XYLB: variants seen among roughly 807,000 people sequenced by gnomAD.
The protein encoded by XYLB is xylulose kinase.
XYLB carries 62 observed loss-of-function variants against 78.7 expected under a neutral mutation model. The observed-to-expected ratio is 0.79, with a 90% CI of 0.64 to 0.97. XYLB has a LOEUF of 0.97. XYLB is among the 50% of genes least tolerant of loss of function. The pLI is 0.00. For synonymous variants in XYLB, 245 were observed against 247.4 expected (o/e 0.99, Z 0.09); for missense variants, 687 against 676.8 (o/e 1.02, Z -0.17).
chr3:38,386,487 A>G (rs1460511312), intron 15 of XYLB, among the ~76,000 whole-genome samples: 1 of 152,144 alleles, frequency 6.6e-6, no homozygotes, highest in African/African-American at 2.4e-5. Context: ...CATTTACAAA[A>G]TGGATTACAT....
chr3:38,419,829 A>T (rs1157008411), downstream of XYLB, among the ~76,000 whole-genome samples: 1 of 147,594 alleles, frequency 6.8e-6, no homozygotes, highest in Non-Finnish European at 1.5e-5. Context: ...TATAAAAATC[A>T]TTTTTTTTTT....
chr3:38,376,152 G>C lies in XYLB; in HGVS notation c.1040G>C (p.Arg347Pro), dbSNP rs373645316. ...GGCTCCCTCATGAGAGAGAAGATCC[G>C]CAACGAGTCTGTATCCCGTTCCTGG... Reference protein sequence around the residue: ...KNGSLMREKIRNESVSRSWSD... With the variant: ...KNGSLMREKIPNESVSRSWSD... The change falls in exon 13 of 19, where the codon CGC becomes CCC. Residue 347 changes from arginine (R) to proline (P), a missense_variant. Physicochemically the swap from Arg to Pro is moderately radical, Grantham distance 103. Transcript: ENST00000207870. 3 of 1,613,932 alleles carry C rather than the reference G, an allele frequency of 1.9e-6. No homozygotes were observed. Among genetic ancestry groups the C allele is most frequent in the Non-Finnish European group, 2.5e-6 (3 of 1,179,950 alleles).
At chr3:38,400,002 G>A (rs1427176191) in intron 17 of XYLB, among the ~76,000 whole-genome samples, 3 of 152,170 alleles carry the variant, frequency 2.0e-5, no homozygotes, top group Non-Finnish European at 2.9e-5. Context: ...TCTGAGCTGG[G>A]ATTTTCTAGC....
chr3:38,430,874 G>T, the XYLB span, among the ~76,000 whole-genome samples: 43 of 152,230 alleles, frequency 2.8e-4, no homozygotes, highest in Admixed American at 3.9e-4. Flanking sequence ...TAGATATGTG[G>T]TGCTATTTCT....
the XYLB span, among the ~76,000 whole-genome samples, chr3:38,430,210 A>G: frequency 0.48 from 73,727 of 152,020 alleles, 19,968 homozygotes; most frequent in Non-Finnish European, 0.61. Context: ...CATCCTCTCC[A>G]GCATCTGTTG....
chr3:38,359,114 G>C (rs1011295652), intron 2 of XYLB, among the ~76,000 whole-genome samples: 1 of 152,244 alleles, frequency 6.6e-6, no homozygotes, highest in African/African-American at 2.4e-5. Context: ...TTTATTGACA[G>C]TAAGCCTGTG....
At chr3:38,368,016 T>G (rs552238714) in intron 7 of XYLB, among the ~76,000 whole-genome samples, 169 bp from the exon 8 acceptor site, 65 of 152,310 alleles carry the variant, frequency 4.3e-4, no homozygotes, top group African/African-American at 1.5e-3. Context: ...CTCATGGTAT[T>G]CCAGCTGCTC....
At chr3:38,438,211 A>G in the XYLB span, among the ~76,000 whole-genome samples, 3 of 152,090 alleles carry the variant, frequency 2.0e-5, no homozygotes, top group East Asian at 1.9e-4. Flanking sequence ...TAGGTGACAG[A>G]GCAAGACCCT....
At position 38,414,730 on chromosome 3, in the gene XYLB, G is replaced by T. The variant is rs555195091; in HGVS notation, c.*1717G>T. The T allele has an allele frequency of 1.3e-5, 2 of 152,254 alleles. No individual in the cohort carries two copies. The highest frequency in any genetic ancestry group is 4.1e-4 in the South Asian group (2 of 4,824). 9.4% of individuals were successfully genotyped at this position (152,254 alleles called of 1,614,324 possible). ...TTATATCTTAATGAAAATAGATATG[G>T]TCACAAGTACATTAAGGCACGTAGA... is the stretch of plus-strand genomic sequence containing the variant. On this transcript the variant is annotated 3_prime_UTR_variant, in exon 19 of 19. Transcript: ENST00000207870.
At chr3:38,379,428 C>G (rs532669414) in intron 15 of XYLB, 86 bp downstream of exon 15, 1 of 1,344,912 alleles carries the variant, frequency 7.4e-7, no homozygotes, top group East Asian at 2.3e-5. Flanking sequence ...GGGGCAATAT[C>G]TACTAAAGTT....
chr3:38,433,228 G>A, the XYLB span, among the ~76,000 whole-genome samples: 3 of 152,232 alleles, frequency 2.0e-5, no homozygotes, highest in East Asian at 1.9e-4. Context: ...CAGCTGGGAT[G>A]TAAGGCACCA....
At chr3:38,410,574 A>C (rs1270483991) in intron 18 of XYLB, among the ~76,000 whole-genome samples, 2 of 152,222 alleles carry the variant, frequency 1.3e-5, no homozygotes, top group Non-Finnish European at 2.9e-5. Flanking sequence ...CAGCAAACGA[A>C]ACTACCATCA....
At chr3:38,418,502 GTATAAGGTTATTGTGAAAT>G (rs1708875090), downstream of XYLB, among the ~76,000 whole-genome samples, 1 of 152,136 alleles carries the variant, frequency 6.6e-6, no homozygotes, top group South Asian at 2.1e-4. Flanking sequence ...GACAACATAT[GTATAAGGTTATTGTGAAAT>G]TATTGATAAC....
At chr3:38,357,472 C>T (rs975106339) in intron 2 of XYLB, among the ~76,000 whole-genome samples, 1 of 151,848 alleles carries the variant, frequency 6.6e-6, no homozygotes, top group African/African-American at 2.4e-5. Context: ...CTGCAAGCTC[C>T]ACCTCCTGGG....
the XYLB span, among the ~76,000 whole-genome samples, chr3:38,426,886 T>C: frequency 6.6e-6 from 1 of 152,286 alleles, no homozygotes; most frequent in Non-Finnish European, 1.5e-5. Context: ...GTTGGTTTAC[T>C]AGAGCAGGGC....
chr3:38,430,965 G>A, the XYLB span, among the ~76,000 whole-genome samples: 1 of 152,206 alleles, frequency 6.6e-6, no homozygotes, highest in Non-Finnish European at 1.5e-5. Context: ...TAGCCTTGTA[G>A]TATAGTTTGA....
At chr3:38,421,109 A>G (rs1228831172), downstream of XYLB, 1 of 152,230 alleles carries the variant, frequency 6.6e-6, no homozygotes, top group African/African-American at 2.4e-5. Context: ...CTTTCTGTCA[A>G]TAAATGTGTG....
At chr3:38,410,283 A>G (rs1575544431) in intron 18 of XYLB, among the ~76,000 whole-genome samples, 1 of 152,344 alleles carries the variant, frequency 6.6e-6, no homozygotes, top group Admixed American at 6.5e-5. Context: ...AGAAATGGGG[A>G]AAGGATTCCC....
intron 15 of XYLB, among the ~76,000 whole-genome samples, chr3:38,383,640 G>C (rs992864644): frequency 2.0e-5 from 3 of 152,016 alleles, no homozygotes; most frequent in Non-Finnish European, 2.9e-5. Context: ...TCCCAGTATA[G>C]TGGCATGTGC....
Sources: allele counts gnomAD v4.1 joint callset (sites outside exome capture counted in the v4.1 genomes callset), GRCh38; gene constraint gnomAD v4.1.1; transcripts MANE v1.5; gene names NCBI Gene and HGNC (gene_info 2026-07-23, HGNC 2026-07-21).